The following LRMDA variants were observed in gnomAD, a reference collection of about 807,000 sequenced individuals.
LRMDA encodes leucine rich melanocyte differentiation associated.
Under a neutral mutation model 29.8 loss-of-function variants are expected in LRMDA, and 18 were observed. The ratio of observed to expected loss-of-function variants is 0.60; its 90% CI spans 0.42 to 0.90. LRMDA has a LOEUF of 0.90. LRMDA is among the 40% of genes least tolerant of loss of function. The pLI is 0.00. For missense variants in LRMDA, 273 were observed against 273.9 expected (o/e 1.00, Z 0.02); for synonymous variants, 125 against 109.4 (o/e 1.14, Z -0.89).
At chr10:76,168,930 C>A (rs534353353) in intron 5 of LRMDA, among the ~76,000 whole-genome samples, 3 of 152,016 alleles carry the variant, frequency 2.0e-5, no homozygotes, top group African/African-American at 7.2e-5. Context: ...AGAACAAAAG[C>A]AAAGTGAAGT....
intron 2 of LRMDA, among the ~76,000 whole-genome samples, chr10:75,887,283 G>T (rs1023224700): frequency 6.6e-6 from 1 of 151,890 alleles, no homozygotes; most frequent in East Asian, 1.9e-4. Flanking sequence ...TCAAAATGAG[G>T]ATAAAGCTTT....
At chr10:76,065,086 C>T (rs1848761757) in intron 5 of LRMDA, among the ~76,000 whole-genome samples, 1 of 152,022 alleles carries the variant, frequency 6.6e-6, no homozygotes, top group South Asian at 2.1e-4. Flanking sequence ...ACTCTGGGAG[C>T]CAAACATTTG....
intron 2 of LRMDA, among the ~76,000 whole-genome samples, chr10:75,504,568 C>T (rs1845150603): frequency 6.6e-6 from 1 of 152,124 alleles, no homozygotes; most frequent in African/African-American, 2.4e-5. Flanking sequence ...GTAATAACGT[C>T]TGTAGTAATA....
chr10:76,095,850 A>AT (rs1192205066), intron 5 of LRMDA, among the ~76,000 whole-genome samples: 1 of 151,914 alleles, frequency 6.6e-6, no homozygotes, highest in Non-Finnish European at 1.5e-5. Flanking sequence ...TCTTTTGTCC[A>AT]TTTAAAAAAG....
chr10:76,395,003 A>G (rs1411407427), intron 6 of LRMDA, among the ~76,000 whole-genome samples: 1 of 152,188 alleles, frequency 6.6e-6, no homozygotes, highest in African/African-American at 2.4e-5. Flanking sequence ...TCTCATAAGT[A>G]GAACATATCT....
intron 2 of LRMDA, among the ~76,000 whole-genome samples, chr10:75,845,516 C>T (rs189354971): frequency 6.6e-6 from 1 of 152,324 alleles, no homozygotes; most frequent in Admixed American, 6.5e-5. Flanking sequence ...CTCATGCTCC[C>T]TTCCCACCTT....
At position 75,928,976 on chromosome 10, in the gene LRMDA, G is replaced by A. The variant is rs148222052; in HGVS notation, c.132-107032G>A. The stretch of plus-strand genomic sequence containing the variant: ...ATTTTCTTTGGGGAAAGGATTACAC[G>A]AATAAAACATAGGTTGTCAAACCAC... On this transcript the variant is annotated intron_variant, in intron 2 of 6. Transcript: ENST00000611255. 2.1e-3 allele frequency among the ~76,000 whole-genome samples: 324 copies of A among 152,218 alleles called. 4 individuals are homozygous for A. In the South Asian group the frequency reaches 0.025, roughly 12 times the overall value.
chr10:75,583,656 C>T (rs1040102172), intron 2 of LRMDA, among the ~76,000 whole-genome samples: 2 of 152,140 alleles, frequency 1.3e-5, no homozygotes, highest in African/African-American at 4.8e-5. Context: ...TAATGCTGAC[C>T]TCACTGCCTT....
intron 6 of LRMDA, among the ~76,000 whole-genome samples, chr10:76,334,824 G>A (rs1201264401): frequency 3.3e-5 from 5 of 152,152 alleles, no homozygotes; most frequent in Non-Finnish European, 7.3e-5. Context: ...CATGAGAGCC[G>A]TAACATGTGG....
intron 5 of LRMDA, among the ~76,000 whole-genome samples, chr10:76,291,912 G>GCA (rs72580570): frequency 3.5e-4 from 47 of 134,920 alleles, no homozygotes; most frequent in East Asian, 6.5e-4. Flanking sequence ...ACCCACACGT[G>GCA]CACACACACA....
At chr10:75,562,505 A>T (rs1201035725) in intron 2 of LRMDA, among the ~76,000 whole-genome samples, 1 of 152,082 alleles carries the variant, frequency 6.6e-6, no homozygotes, top group African/African-American at 2.4e-5. Context: ...TGTGTCTTTT[A>T]ATTGGAGCAT....
At chr10:76,508,822 G>T (rs1206601180) in intron 6 of LRMDA, among the ~76,000 whole-genome samples, 2 of 152,100 alleles carry the variant, frequency 1.3e-5, no homozygotes, top group African/African-American at 2.4e-5. Flanking sequence ...AAATAACTGA[G>T]AACTCAAGAA....
intron 2 of LRMDA, among the ~76,000 whole-genome samples, chr10:75,562,617 C>T (rs1051723381): frequency 1.3e-5 from 2 of 152,132 alleles, no homozygotes; most frequent in Non-Finnish European, 2.9e-5. Flanking sequence ...GCAGTTTCTT[C>T]CTAGCCTCGA....
intron 2 of LRMDA, among the ~76,000 whole-genome samples, chr10:75,883,023 G>A (rs1182993741): frequency 6.6e-6 from 1 of 151,966 alleles, no homozygotes; most frequent in Non-Finnish European, 1.5e-5. Flanking sequence ...CCCAGTGACA[G>A]TCCCTGACAA....
intron 5 of LRMDA, among the ~76,000 whole-genome samples, chr10:76,059,248 T>A (rs1317056646): frequency 1.3e-5 from 2 of 152,118 alleles, no homozygotes; most frequent in Non-Finnish European, 2.9e-5. Context: ...ATATCGTTAG[T>A]GTGGAAGGTG....
chr10:75,504,580 G>C lies in LRMDA; in HGVS notation c.131+66086G>C, dbSNP rs555482462. On this transcript the variant is annotated intron_variant, in intron 2 of 6. Coordinates refer to ENST00000611255, the MANE Select transcript of LRMDA (RefSeq NM_001305581.2). ...CATGTAATAACGTCTGTAGTAATAG[G>C]GGGGAGTCATCTTCTCTAAGCAGGG... Among the ~76,000 whole-genome samples, 7 of 152,286 alleles carry C rather than the reference G, an allele frequency of 4.6e-5. No homozygotes were observed. In the South Asian group the frequency reaches 1.5e-3, roughly 32 times the overall value.
chr10:75,935,794 T>G (rs1016764894), intron 2 of LRMDA, among the ~76,000 whole-genome samples: 1 of 152,172 alleles, frequency 6.6e-6, no homozygotes, highest in Non-Finnish European at 1.5e-5. Flanking sequence ...TCTGTCCACA[T>G]GCAACTGAGG....
At chr10:75,788,187 G>A (rs1472080906) in intron 2 of LRMDA, among the ~76,000 whole-genome samples, 3 of 152,200 alleles carry the variant, frequency 2.0e-5, no homozygotes, top group African/African-American at 4.8e-5. Flanking sequence ...GCAACAGAGC[G>A]AGACTCTGTC....
At chr10:75,986,773 C>T (rs1051763930) in intron 2 of LRMDA, among the ~76,000 whole-genome samples, 3 of 152,256 alleles carry the variant, frequency 2.0e-5, no homozygotes, top group Non-Finnish European at 2.9e-5. Flanking sequence ...AGGTTTATAA[C>T]GCAGATCAGA....
Sources: allele counts gnomAD v4.1 joint callset (sites outside exome capture counted in the v4.1 genomes callset), GRCh38; gene constraint gnomAD v4.1.1; transcripts MANE v1.5; gene names NCBI Gene and HGNC (gene_info 2026-07-23, HGNC 2026-07-21).